The following ACTN1 variants were observed in gnomAD, a reference collection of about 807,000 sequenced individuals.
ACTN1 encodes actinin alpha 1.
A neutral mutation model predicts 119.6 loss-of-function variants in ACTN1; 30 were observed. The observed-to-expected ratio is 0.25, with a 90% CI of 0.19 to 0.34. The LOEUF is 0.34. Among genes scored for constraint, ACTN1 ranks in the 10% least tolerant of loss-of-function variants. The probability of loss-of-function intolerance (pLI) is 1.00; values close to 1 mark genes in which losing one functional copy is unlikely to be tolerated. For synonymous variants in ACTN1, 429 were observed against 472.6 expected (o/e 0.91, Z 1.20); for missense variants, 764 against 1,223.4 (o/e 0.62, Z 5.60).
In ACTN1 at chr14:68,885,827, A is replaced by G; in HGVS notation, c.1235-252T>C. The G allele has an allele frequency of 2.0e-6, 1 of 498,246 alleles. No homozygotes were observed. Among genetic ancestry groups the G allele is most frequent in the South Asian group, 2.6e-5 (1 of 38,634 alleles). 30.9% of individuals were successfully genotyped at this position (498,246 alleles called of 1,614,324 possible). A position where few individuals can be genotyped will look rare whatever the true frequency, so the allele number is the denominator to read the frequency against. ...AAGTGTCTACGCAGGAAGGCTATGC[A>G]GGAGTCTGTGGGAATGCATAGGGCA... On this transcript the variant is annotated intron_variant, in intron 11 of 21. Coordinates refer to ENST00000394419, the MANE Select transcript of ACTN1 (RefSeq NM_001130004.2). This position sits in a 1 kb window ranked among gnomAD's most constrained non-coding sequence, Gnocchi z 5.6.
intron 14 of ACTN1, 86 bp from the exon 15 acceptor site, chr14:68,883,141 C>A (rs1594756724): frequency 1.4e-6 from 2 of 1,402,668 alleles, no homozygotes; most frequent in East Asian, 2.3e-5. Context: ...GAGTTCCACA[C>A]CAGCTGGGAG....
rs1309783318 is a variant in ACTN1, at chr14:68,890,139, C to T, written c.1234G>A (p.Gly412Ser). The change falls in exon 11 of 22, where the codon GGC (glycine) becomes AGC (serine). Residue 412 changes from glycine (G) to serine (S), a missense_variant and splice_region_variant. Gly to Ser is a moderately conservative substitution (Grantham distance 56). Transcript: ENST00000394419. ...KASIHEAWTDGKEAMLRQKDY... is the reference protein window; with the variant it reads ...KASIHEAWTDSKEAMLRQKDY... ...AGGCAGGAGGCTGGGCTGGCCTCAC[C>T]GTCAGTCCAGGCCTCGTGGATGGAG... The T allele has an allele frequency of 4.3e-6, 7 of 1,612,130 alleles. No homozygotes were observed. The highest frequency in any genetic ancestry group is 2.2e-5 in the East Asian group (1 of 44,758).
chr14:68,971,138 G>A (rs2036872008), intron 1 of ACTN1, among the ~76,000 whole-genome samples: 1 of 152,098 alleles, frequency 6.6e-6, no homozygotes, highest in Non-Finnish European at 1.5e-5. Context: ...CGAGTTCTGA[G>A]GTCAATCTGC....
chr14:68,951,253 C>T (rs1473846050), intron 1 of ACTN1, among the ~76,000 whole-genome samples: 1 of 152,152 alleles, frequency 6.6e-6, no homozygotes, highest in African/African-American at 2.4e-5. Flanking sequence ...CTCTCTTTTT[C>T]CCTTTCTAGG....
intron 11 of ACTN1, chr14:68,888,375 G>A: frequency 3.8e-6 from 1 of 266,268 alleles, no homozygotes; most frequent in Non-Finnish European, 7.3e-6. Flanking sequence ...TTGGCTGTGA[G>A]CTGGACCCGA....
chr14:68,916,904 A>G (rs2034326902), intron 3 of ACTN1, among the ~76,000 whole-genome samples: 1 of 152,174 alleles, frequency 6.6e-6, no homozygotes. Context: ...TGAATGCTGC[A>G]GAAATTCCAT....
intron 7 of ACTN1, among the ~76,000 whole-genome samples, chr14:68,903,384 A>C (rs1381388923): frequency 2.0e-5 from 3 of 152,170 alleles, no homozygotes; most frequent in African/African-American, 7.2e-5. Context: ...CTCTACTAAA[A>C]ATATAAAAAT....
intron 14 of ACTN1, among the ~76,000 whole-genome samples, chr14:68,883,930 T>C (rs1243506214): frequency 6.6e-6 from 1 of 152,200 alleles, no homozygotes; most frequent in African/African-American, 2.4e-5. Context: ...GGGAGAGAAC[T>C]AGGGGCTGGA....
intron 3 of ACTN1, among the ~76,000 whole-genome samples, chr14:68,919,363 C>T (rs151211282): frequency 1.2e-3 from 183 of 152,312 alleles, no homozygotes; most frequent in African/African-American, 3.9e-3. Flanking sequence ...CAGGGGCATC[C>T]GAGCCTGCAC....
At chr14:68,966,744 C>G (rs1178501154) in intron 1 of ACTN1, among the ~76,000 whole-genome samples, 1 of 152,170 alleles carries the variant, frequency 6.6e-6, no homozygotes, top group African/African-American at 2.4e-5. Flanking sequence ...TCCAACACTC[C>G]AGAGAGAACC....
intron 1 of ACTN1, among the ~76,000 whole-genome samples, chr14:68,929,104 G>C (rs1373393020): frequency 6.6e-6 from 1 of 152,186 alleles, no homozygotes; most frequent in African/African-American, 2.4e-5. Flanking sequence ...GCGTTCGTGG[G>C]AGAGGGCTGG....
In ACTN1 at chr14:68,882,761, AGT is replaced by A. The variant is rs2031669050; in HGVS notation, c.1818+110_1818+111del. ...TCATTTGACATTTGGACAAACAATG[AGT>A]GTTTACTATATGACAATTTTAAATG... On this transcript the variant is annotated intron_variant, in intron 15 of 21. Coordinates refer to ENST00000394419, the MANE Select transcript of ACTN1 (RefSeq NM_001130004.2). The surrounding 1 kb of genome is among the most constrained non-coding windows in gnomAD (Gnocchi z 4.5). 1 of 1,511,960 alleles carries A rather than the reference AGT, an allele frequency of 6.6e-7. No homozygotes were observed. Among genetic ancestry groups the A allele is most frequent in the Non-Finnish European group, 9.0e-7 (1 of 1,110,066 alleles). The allele number at this position is 1,511,960 out of a possible 1,614,324, so 93.7% of individuals were successfully genotyped here. A position where few individuals can be genotyped will look rare whatever the true frequency, so the allele number is the denominator to read the frequency against.
intron 1 of ACTN1, among the ~76,000 whole-genome samples, chr14:68,952,692 C>T (rs2036209221): frequency 6.6e-6 from 1 of 152,062 alleles, no homozygotes; most frequent in Non-Finnish European, 1.5e-5. Flanking sequence ...GACTTTCCCC[C>T]ACCCCCTACC....
At chr14:68,938,056 C>T (rs1248701110) in intron 1 of ACTN1, among the ~76,000 whole-genome samples, 2 of 152,212 alleles carry the variant, frequency 1.3e-5, no homozygotes, top group African/African-American at 4.8e-5. Flanking sequence ...CAAAGACCTG[C>T]CCAGAAGTGA....
At chr14:68,945,278 A>C (rs935499821) in intron 1 of ACTN1, among the ~76,000 whole-genome samples, 2 of 152,090 alleles carry the variant, frequency 1.3e-5, no homozygotes, top group Non-Finnish European at 2.9e-5. Context: ...CTGAAAAAAA[A>C]AAAGTCACAG....
At chr14:68,934,455 G>C (rs556453073) in intron 1 of ACTN1, among the ~76,000 whole-genome samples, 64 of 152,244 alleles carry the variant, frequency 4.2e-4, no homozygotes, top group Non-Finnish European at 7.9e-4. Context: ...CATGTGCAAA[G>C]TAGTTTTCTG....
At chr14:68,916,398 T>C (rs1480013890) in intron 3 of ACTN1, among the ~76,000 whole-genome samples, 4 of 152,208 alleles carry the variant, frequency 2.6e-5, no homozygotes, top group Admixed American at 1.3e-4. Context: ...ATTCCTCTTC[T>C]TCTTCCCCAG....
intron 1 of ACTN1, among the ~76,000 whole-genome samples, chr14:68,960,992 C>T (rs1037664356): frequency 6.6e-6 from 1 of 152,130 alleles, no homozygotes; most frequent in Non-Finnish European, 1.5e-5. Context: ...ATCCCTTGAG[C>T]CCAAAAGTTT....
At position 68,875,189 on chromosome 14, in the gene ACTN1, G is replaced by A. The variant is rs41285480; in HGVS notation, c.2587-172C>T. ...GTAAATATCCACACATGTACATACC[G>A]CATACACAACATGTATTTTTAAAAT... On this transcript the variant is annotated intron_variant, in intron 21 of 21. Transcript: ENST00000394419. The A allele has an allele frequency of 0.15, 218,391 of 1,476,156 alleles. 19,602 individuals carry two copies. The highest frequency in any genetic ancestry group is 0.52 in the East Asian group (20,567 of 39,892). 91.4% of individuals were successfully genotyped at this position (1,476,156 alleles called of 1,614,324 possible).
Sources: gnomAD v4.1 joint callset for allele counts (sites outside exome capture counted in the v4.1 genomes callset) on GRCh38, gnomAD v4.1.1 for gene constraint, Gnocchi (gnomAD v3.1) non-coding constraint, MANE v1.5 for transcripts, NCBI Gene and HGNC (gene_info 2026-07-23, HGNC 2026-07-21) for gene names.